The following NETO1 variants were observed in gnomAD, a reference collection of about 807,000 sequenced individuals.
NETO1 encodes neuropilin and tolloid-like protein 1.
In NETO1, 26 loss-of-function variants were observed where a neutral mutation model predicts 61.3. That is an observed-to-expected ratio of 0.42 (90% confidence interval 0.31 to 0.59). The LOEUF (loss-of-function observed/expected upper bound fraction) is 0.59. Among genes scored for constraint, NETO1 ranks in the 20% least tolerant of loss-of-function variants. NETO1 has a pLI of 0.12. For missense variants in NETO1, 531 were observed against 662.8 expected (o/e 0.80, Z 2.18); for synonymous variants, 225 against 225.8 (o/e 1.00, Z 0.03).
chr18:72,766,220 ATGTGTGTGTGTGTG>A (rs34670401), intron 7 of NETO1, among the ~76,000 whole-genome samples: 15 of 144,676 alleles, frequency 1.0e-4, no homozygotes, highest in South Asian at 4.5e-4. Flanking sequence ...AAAAAAAAAT[ATGTGTGTGTGTGTG>A]TGTGTGTGTG....
At chr18:72,850,754 T>G (rs1006430875) in intron 4 of NETO1, among the ~76,000 whole-genome samples, 4 of 152,140 alleles carry the variant, frequency 2.6e-5, no homozygotes, top group Non-Finnish European at 5.9e-5. Context: ...GTTTCTTGAG[T>G]TTTTCTCTTG....
At chr18:72,779,140 T>A (rs2071654348) in intron 7 of NETO1, among the ~76,000 whole-genome samples, 1 of 152,182 alleles carries the variant, frequency 6.6e-6, no homozygotes, top group Non-Finnish European at 1.5e-5. Context: ...AGACGAAAGC[T>A]GATCACTGAT....
At chr18:72,823,876 A>AT (rs1236160479) in intron 4 of NETO1, among the ~76,000 whole-genome samples, 1 of 152,114 alleles carries the variant, frequency 6.6e-6, no homozygotes, top group Non-Finnish European at 1.5e-5. Flanking sequence ...AAAGTCTCAA[A>AT]TATCTACTCT....
intron 4 of NETO1, among the ~76,000 whole-genome samples, chr18:72,805,890 T>C (rs1437325960): frequency 2.0e-5 from 3 of 152,164 alleles, no homozygotes; most frequent in African/African-American, 7.2e-5. Flanking sequence ...GTTGGAGCTA[T>C]GGTTAAAAAC....
At chr18:72,758,669 C>A (rs2070869282) in intron 7 of NETO1, among the ~76,000 whole-genome samples, 1 of 151,876 alleles carries the variant, frequency 6.6e-6, no homozygotes, top group Admixed American at 6.6e-5. Flanking sequence ...AAGCCCGTCC[C>A]TACTAAAAAT....
intron 4 of NETO1, among the ~76,000 whole-genome samples, chr18:72,824,717 A>AC (rs1568230451): frequency 2.0e-5 from 3 of 150,912 alleles, no homozygotes; most frequent in East Asian, 3.9e-4. Context: ...ATACAAAAAA[A>AC]AAACAAACAA....
chr18:72,778,081 T>A lies in NETO1; in HGVS notation c.868+5597A>T, dbSNP rs565287002. On this transcript the variant is annotated intron_variant, in intron 7 of 10. Coordinates refer to ENST00000327305, the MANE Select transcript of NETO1 (RefSeq NM_138966.5). ...CACTTGGTGCAGTGAGGAAGACTAC[T>A]GCCAGAAAGTGCCGGGTTAACAGTT... Among the ~76,000 whole-genome samples the A allele has an allele frequency of 5.9e-5, 9 of 152,332 alleles. No individual in the cohort carries two copies. The East Asian group carries it at 1.4e-3, about 23-fold the overall frequency.
chr18:72,756,013 A>T (rs768213563), intron 8 of NETO1, 21 bp downstream of exon 8: 1 of 1,409,748 alleles, frequency 7.1e-7, no homozygotes, highest in Non-Finnish European at 9.9e-7. Context: ...TTTTTTTCAA[A>T]TTTCAGGCAC....
At chr18:72,858,801 ATTT>A (rs545653234) in intron 4 of NETO1, 22 bp downstream of exon 4, 1 of 1,487,888 alleles carries the variant, frequency 6.7e-7, no homozygotes, top group Non-Finnish European at 9.1e-7. Flanking sequence ...AGAAAAAGAA[ATTT>A]TTTTTTTAAG....
intron 4 of NETO1, among the ~76,000 whole-genome samples, chr18:72,823,673 A>G (rs992607409): frequency 2.0e-5 from 3 of 152,150 alleles, no homozygotes; most frequent in African/African-American, 4.8e-5. Flanking sequence ...CTAATGAGCT[A>G]AACATGTTCT....
At chr18:72,814,046 C>T (rs1187443601) in intron 4 of NETO1, among the ~76,000 whole-genome samples, 1 of 151,906 alleles carries the variant, frequency 6.6e-6, no homozygotes, top group African/African-American at 2.4e-5. Context: ...ACTTCAACAT[C>T]CAAGAATGAA....
At chr18:72,861,307 C>T (rs1426118163) in intron 3 of NETO1, among the ~76,000 whole-genome samples, 1 of 152,190 alleles carries the variant, frequency 6.6e-6, no homozygotes, top group Non-Finnish European at 1.5e-5. Context: ...ACCTACATAG[C>T]TGAATTTTAG....
intron 7 of NETO1, among the ~76,000 whole-genome samples, chr18:72,760,418 A>G (rs1299208596): frequency 2.6e-5 from 4 of 152,188 alleles, no homozygotes; most frequent in African/African-American, 4.8e-5. Context: ...CACACACATC[A>G]GCCTGGGATT....
chr18:72,772,759 CTATA>C (rs35617731), intron 7 of NETO1, among the ~76,000 whole-genome samples: 29,975 of 100,374 alleles, frequency 0.3, 5,512 homozygotes, highest in South Asian at 0.44. Flanking sequence ...CTATATATAT[CTATA>C]TATATATATA....
chr18:72,794,383 C>T lies in NETO1; in HGVS notation c.491G>A (p.Gly164Glu). ...FTPDPDFKDL[G>E]ALKPLPACEF... is the part of the protein sequence containing the mutation. ...CCAACCTGGTAATGGTTTCAAAGCT[C>T]CAAGGTCCTTAAAGTCAGGATCTTA... The change falls in exon 5 of 11, where the codon GGA becomes GAA. Residue 164 changes from glycine to glutamate, a missense_variant. Coordinates refer to ENST00000327305, the MANE Select transcript of NETO1 (RefSeq NM_138966.5). 7 of 1,612,292 alleles carry T rather than the reference C, an allele frequency of 4.3e-6. No individual in the cohort carries two copies. The highest frequency in any genetic ancestry group is 1.1e-5 in the South Asian group (1 of 90,632).
At chr18:72,756,190 G>A in intron 7 of NETO1, 43 bp from the exon 8 acceptor site, 1 of 909,850 alleles carries the variant, frequency 1.1e-6, no homozygotes, top group Non-Finnish European at 1.8e-6. Flanking sequence ...AGTTATAACT[G>A]ACATTCAGTA....
chr18:72,752,905 A>T (rs901796114), intron 8 of NETO1, among the ~76,000 whole-genome samples: 1 of 152,168 alleles, frequency 6.6e-6, no homozygotes, highest in Admixed American at 6.6e-5. Context: ...TTTCAGCTGG[A>T]AGAAGAAAGT....
At position 72,864,946 on chromosome 18, in the gene NETO1, C is replaced by A; in HGVS notation, c.83-1G>T. 6.4e-7 allele frequency: 1 copy of A among 1,553,360 alleles called. No individual in the cohort carries two copies. The highest frequency in any genetic ancestry group is 8.6e-7 in the Non-Finnish European group (1 of 1,161,800). ...TGTGTTTCTGAGGTGGTTTGCTTTT[C>A]TGTTAAAAAAAAAAAAAAGTTTTAA... On this transcript the variant is annotated splice_acceptor_variant, in intron 2 of 10. Coordinates refer to ENST00000327305, the MANE Select transcript of NETO1 (RefSeq NM_138966.5). LOFTEE classifies it high-confidence loss of function.
At chr18:72,849,598 T>G (rs924125411) in intron 4 of NETO1, among the ~76,000 whole-genome samples, 3 of 152,222 alleles carry the variant, frequency 2.0e-5, no homozygotes, top group Admixed American at 6.5e-5. Context: ...ATTTCCAAAT[T>G]TTAAGGTTTT....
Sources: allele counts gnomAD v4.1 joint callset (sites outside exome capture counted in the v4.1 genomes callset), GRCh38; gene constraint gnomAD v4.1.1; transcripts MANE v1.5; gene names NCBI Gene and HGNC (gene_info 2026-07-23, HGNC 2026-07-21).